The following ZFHX3 variants were observed in gnomAD, a reference collection of about 807,000 sequenced individuals.
The protein encoded by ZFHX3 is zinc finger homeobox protein 3.
Under a neutral mutation model 279.1 loss-of-function variants are expected in ZFHX3, and 42 were observed. The ratio of observed to expected loss-of-function variants is 0.15; its 90% CI spans 0.12 to 0.19. The LOEUF (loss-of-function observed/expected upper bound fraction) is 0.19. Among genes scored for constraint, ZFHX3 ranks in the 10% least tolerant of loss-of-function variants. The pLI is 1.00. For missense variants in ZFHX3, 4,981 were observed against 4,754.0 expected (o/e 1.05, Z -1.40); for synonymous variants, 2,293 against 1,957.8 (o/e 1.17, Z -4.52).
At chr16:73,124,357 C>T (rs13331227) in intron 7 of ZFHX3, among the ~76,000 whole-genome samples, 3,484 of 152,242 alleles carry the variant, frequency 0.023, 130 homozygotes, top group African/African-American at 0.08. Flanking sequence ...AGCTAGCTCT[C>T]TGGGTCTCTT....
chr16:73,356,651 TGAG>T (rs2016346027), intron 3 of ZFHX3, among the ~76,000 whole-genome samples: 1 of 152,104 alleles, frequency 6.6e-6, no homozygotes, highest in Non-Finnish European at 1.5e-5. Context: ...TAACATATGC[TGAG>T]CACCTTCTTG....
intron 3 of ZFHX3, among the ~76,000 whole-genome samples, chr16:73,381,398 C>T (rs1020910888): frequency 2.6e-5 from 4 of 151,938 alleles, no homozygotes; most frequent in African/African-American, 9.7e-5. Flanking sequence ...ATATGACTAG[C>T]TGTATATAAA....
At chr16:73,064,982 A>G (rs1415020850) in intron 8 of ZFHX3, among the ~76,000 whole-genome samples, 1 of 152,234 alleles carries the variant, frequency 6.6e-6, no homozygotes, top group African/African-American at 2.4e-5. Context: ...ACTTCATCAC[A>G]GCGCAACAAA....
intron 2 of ZFHX3, among the ~76,000 whole-genome samples, chr16:73,673,261 C>G (rs1038033548): frequency 6.6e-6 from 1 of 151,986 alleles, no homozygotes; most frequent in African/African-American, 2.4e-5. Flanking sequence ...GCCACTGTCC[C>G]GCTAATTTTC....
Position 73,186,555 on chromosome 16 carries a change from G to GTT in ZFHX3, c.-1103-42726_-1103-42725dup, listed in dbSNP as rs77914659. On this transcript the variant is annotated intron_variant, in intron 5 of 17. Transcript: ENST00000641206. Reference sequence around the variant, plus strand: ...GCCAATTCCCTAGTTTCCAGGAAAAGTTTTTTTTTTTTTTTTCACTCAAAA... The same window carrying GTT: ...GCCAATTCCCTAGTTTCCAGGAAAAGTTTTTTTTTTTTTTTTTTCACTCAAAA... 4.0e-3 allele frequency among the ~76,000 whole-genome samples: 547 copies of GTT among 138,310 alleles called. 5 individuals are homozygous for GTT. Among genetic ancestry groups the GTT allele is most frequent in the African/African-American group, 0.011 (421 of 37,892 alleles). 90.7% of individuals were successfully genotyped at this position (138,310 alleles called of 152,430 possible).
intron 5 of ZFHX3, among the ~76,000 whole-genome samples, chr16:73,236,252 C>T (rs1290560866): frequency 6.6e-6 from 1 of 152,210 alleles, no homozygotes; most frequent in African/African-American, 2.4e-5. Context: ...CCTGCATGCC[C>T]TGTGGTCAAC....
chr16:73,085,415 C>T (rs749265916), intron 8 of ZFHX3, among the ~76,000 whole-genome samples: 7 of 152,216 alleles, frequency 4.6e-5, no homozygotes, highest in Non-Finnish European at 7.4e-5. Flanking sequence ...TGCACCACCA[C>T]GCCCAGCTAA....
intron 3 of ZFHX3, among the ~76,000 whole-genome samples, chr16:72,914,082 C>A (rs2039384029): frequency 1.3e-5 from 2 of 152,182 alleles, no homozygotes; most frequent in African/African-American, 4.8e-5. Context: ...GAACCCAGGC[C>A]CCCTGGCTCT....
intron 4 of ZFHX3, among the ~76,000 whole-genome samples, chr16:72,872,817 T>C (rs549925566): frequency 2.0e-3 from 304 of 152,204 alleles, no homozygotes; most frequent in African/African-American, 7.0e-3. Flanking sequence ...TTTCAAAAGA[T>C]GGTGGGGGGT....
intron 3 of ZFHX3, among the ~76,000 whole-genome samples, chr16:73,430,023 G>A (rs578064942): frequency 2.0e-5 from 3 of 152,220 alleles, no homozygotes; most frequent in African/African-American, 7.2e-5. Context: ...AAGTAGCTGG[G>A]ATATAACATG....
intron 1 of ZFHX3, among the ~76,000 whole-genome samples, chr16:73,764,637 T>C (rs560766150): frequency 1.3e-5 from 2 of 152,280 alleles, no homozygotes; most frequent in South Asian, 4.1e-4. Flanking sequence ...GCTCTCTATG[T>C]TCGTAGTCCA....
intron 1 of ZFHX3, among the ~76,000 whole-genome samples, chr16:73,688,616 C>T (rs1039006042): frequency 4.6e-5 from 7 of 152,206 alleles, no homozygotes; most frequent in African/African-American, 1.7e-4. Context: ...TTCCCAGACC[C>T]TAAAACTGTA....
rs1597018655 is a variant in ZFHX3, at chr16:72,959,609, G to GC, written c.536dup (p.Lys180GlnfsTer30). The GC allele has an allele frequency of 6.2e-7, 1 of 1,614,112 alleles. No individual in the cohort carries two copies. ...CAGCACACGAAGGGTCCCCTTGCTT[G>GC]CCCCCCGCGCCAGGGAGAGAGTTCA... On this transcript the variant is annotated frameshift_variant, in exon 2 of 10. Coordinates refer to ENST00000268489, the MANE Select transcript of ZFHX3 (RefSeq NM_006885.4). LOFTEE classifies it high-confidence loss of function.
At chr16:73,686,628 T>A (rs1391669290) in intron 1 of ZFHX3, among the ~76,000 whole-genome samples, 1 of 152,126 alleles carries the variant, frequency 6.6e-6, no homozygotes, top group Non-Finnish European at 1.5e-5. Context: ...CAGCCTCTTA[T>A]CCATGATCCA....
chr16:73,531,631 C>G (rs1016181437), intron 2 of ZFHX3, among the ~76,000 whole-genome samples: 1 of 145,960 alleles, frequency 6.9e-6, no homozygotes, highest in Non-Finnish European at 1.5e-5. Context: ...AGGAGGATGG[C>G]TTGAGCCCAT....
chr16:72,967,228 C>T (rs1275374894), intron 1 of ZFHX3, among the ~76,000 whole-genome samples: 1 of 152,148 alleles, frequency 6.6e-6, no homozygotes, highest in East Asian at 1.9e-4. Flanking sequence ...GGAACTGGGG[C>T]TCCTTGGAGA....
chr16:73,203,676 TG>T (rs2144902007), intron 5 of ZFHX3, among the ~76,000 whole-genome samples: 1 of 152,342 alleles, frequency 6.6e-6, no homozygotes, highest in East Asian at 1.9e-4. Flanking sequence ...TAACCTGAGC[TG>T]GGTGGGCTGG....
intron 8 of ZFHX3, among the ~76,000 whole-genome samples, chr16:73,072,937 C>G (rs1459014340): frequency 6.6e-6 from 1 of 151,924 alleles, no homozygotes; most frequent in Admixed American, 6.6e-5. Context: ...TCACTCTGTG[C>G]CCAGACTGGA....
chr16:73,626,967 G>C (rs1035593628), intron 2 of ZFHX3, among the ~76,000 whole-genome samples: 2 of 152,106 alleles, frequency 1.3e-5, no homozygotes, highest in Non-Finnish European at 2.9e-5. Context: ...TTCTACTGTA[G>C]CCATAAATAC....
Sources: gnomAD v4.1 joint callset for allele counts (sites outside exome capture counted in the v4.1 genomes callset) on GRCh38, gnomAD v4.1.1 for gene constraint, MANE v1.5 for transcripts, NCBI Gene and HGNC (gene_info 2026-07-23, HGNC 2026-07-21) for gene names.